CES5A: variants seen among roughly 807,000 people sequenced by gnomAD.
CES5A encodes the protein carboxylesterase 5.
A neutral mutation model predicts 62.9 loss-of-function variants in CES5A; 67 were observed. That is an observed-to-expected ratio of 1.07 (90% CI 0.88 to 1.31). CES5A has a LOEUF of 1.31. CES5A is among the 50% of genes most tolerant of loss of function. The pLI, the probability that CES5A is intolerant of heterozygous loss-of-function variation, is 0.00. For synonymous variants in CES5A, 296 were observed against 280.8 expected (o/e 1.05, Z -0.54); for missense variants, 748 against 708.5 (o/e 1.06, Z -0.63).
At chr16:55,921,646 A>T (rs1277223676) in intron 1 of CES5A, among the ~76,000 whole-genome samples, 1 of 151,472 alleles carries the variant, frequency 6.6e-6, no homozygotes, top group African/African-American at 2.4e-5. Flanking sequence ...GAAAAAAAAA[A>T]AAAAAAACCA....
At position 55,873,960 on chromosome 16, in the gene CES5A, G is replaced by T; in HGVS notation, c.151C>A (p.Pro51Thr). Reference protein sequence around the residue: ...QGKQVTVLGSPVPVNVFLGVP... With the variant: ...QGKQVTVLGSTVPVNVFLGVP... ...CCGAGGAACACGTTCACAGGCACAGGGCTTCCCAGCACAGTGACTTGCTTG... is the reference window on the plus strand; with the variant it reads ...CCGAGGAACACGTTCACAGGCACAGTGCTTCCCAGCACAGTGACTTGCTTG... The change falls in exon 2 of 13, where the codon CCT becomes ACT. Residue 51 changes from proline to threonine, a missense_variant. Pro to Thr is a conservative substitution (Grantham distance 38, BLOSUM62 -1). Transcript: ENST00000290567. 4.3e-6 allele frequency: 7 copies of T among 1,613,390 alleles called. No homozygotes were observed. Among genetic ancestry groups the T allele is most frequent in the Non-Finnish European group, 5.9e-6 (7 of 1,179,872 alleles).
intron 2 of CES5A, among the ~76,000 whole-genome samples, chr16:55,934,929 G>C (rs2034354570): frequency 6.6e-6 from 1 of 151,982 alleles, no homozygotes; most frequent in Non-Finnish European, 1.5e-5. Context: ...TTTTGTTTTG[G>C]GTTTTTTTGT....
chr16:55,888,129 C>T (rs762922386), intron 1 of CES5A, among the ~76,000 whole-genome samples: 3 of 152,080 alleles, frequency 2.0e-5, no homozygotes, highest in Non-Finnish European at 4.4e-5. Context: ...TCCTGCCAGC[C>T]CAACTCCTTT....
chr16:55,932,610 T>C (rs2034326925), intron 2 of CES5A, among the ~76,000 whole-genome samples: 1 of 151,938 alleles, frequency 6.6e-6, no homozygotes, highest in Non-Finnish European at 1.5e-5. Flanking sequence ...GAGTCCTCTC[T>C]GAGAAGGGTG....
intron 1 of CES5A, among the ~76,000 whole-genome samples, chr16:55,887,603 C>T (rs1430277312): frequency 6.6e-6 from 1 of 152,112 alleles, no homozygotes; most frequent in African/African-American, 2.4e-5. Context: ...GTTCTTCTAA[C>T]TCTGCTGCCT....
intron 1 of CES5A, among the ~76,000 whole-genome samples, chr16:55,923,726 A>G (rs2034231996): frequency 6.6e-6 from 1 of 151,880 alleles, no homozygotes; most frequent in Non-Finnish European, 1.5e-5. Context: ...AGAAAACTAC[A>G]GGCCATATCA....
chr16:55,917,268 C>T (rs568822935), intron 1 of CES5A, among the ~76,000 whole-genome samples: 98 of 152,350 alleles, frequency 6.4e-4, no homozygotes, highest in African/African-American at 2.2e-3. Flanking sequence ...TACTAGTTAC[C>T]TATTGCTGCC....
chr16:55,858,863 C>T (rs1359350888), intron 8 of CES5A, among the ~76,000 whole-genome samples: 1 of 152,162 alleles, frequency 6.6e-6, no homozygotes, highest in South Asian at 2.1e-4. Context: ...ACCTGGGCCT[C>T]AGCTCAACAA....
At chr16:55,947,889 G>T (rs546602037) in intron 2 of CES5A, among the ~76,000 whole-genome samples, 28 of 150,754 alleles carry the variant, frequency 1.9e-4, no homozygotes, top group Non-Finnish European at 3.0e-4. Context: ...GCCATGGAAG[G>T]GCTGGGAGTT....
Position 55,868,470 on chromosome 16 carries a change from T to C in CES5A, c.551+1141A>G, listed in dbSNP as rs114598114. Among the ~76,000 whole-genome samples, 364 of 152,318 alleles carry C rather than the reference T, an allele frequency of 2.4e-3. 3 individuals carry two copies. The highest frequency in any genetic ancestry group is 8.3e-3 in the African/African-American group (347 of 41,572). On this transcript the variant is annotated intron_variant, in intron 4 of 12. Coordinates refer to ENST00000290567, the MANE Select transcript of CES5A (RefSeq NM_001143685.2). Reference sequence around the variant, plus strand: ...CTCCTCAAGCCCAACCACATCCTTCTGGTGCAACTCCAATGTCACCCCTCT... The same window carrying C: ...CTCCTCAAGCCCAACCACATCCTTCCGGTGCAACTCCAATGTCACCCCTCT...
At chr16:55,895,338 G>A (rs2033921264) in intron 1 of CES5A, among the ~76,000 whole-genome samples, 1 of 152,220 alleles carries the variant, frequency 6.6e-6, no homozygotes, top group South Asian at 2.1e-4. Context: ...CAACCTATGA[G>A]AGGAGCTGCA....
intron 2 of CES5A, among the ~76,000 whole-genome samples, chr16:55,938,925 G>C (rs1190278198): frequency 6.6e-6 from 1 of 150,506 alleles, no homozygotes; most frequent in Non-Finnish European, 1.5e-5. Context: ...AGGAAGTGGG[G>C]TGGGGGGTTG....
At chr16:55,889,706 G>A (rs115885779) in intron 1 of CES5A, among the ~76,000 whole-genome samples, 227 of 151,048 alleles carry the variant, frequency 1.5e-3, no homozygotes, top group African/African-American at 5.1e-3. Context: ...GATTGATTAC[G>A]TCATTGGCCA....
intron 1 of CES5A, among the ~76,000 whole-genome samples, chr16:55,880,676 A>G (rs557447086): frequency 6.6e-6 from 1 of 152,306 alleles, no homozygotes; most frequent in South Asian, 2.1e-4. Context: ...TGTGGTTCAG[A>G]GGAGTGGGCT....
At chr16:55,851,912 A>G (rs2033141375) in intron 10 of CES5A, among the ~76,000 whole-genome samples, 1 of 152,244 alleles carries the variant, frequency 6.6e-6, no homozygotes, top group Non-Finnish European at 1.5e-5. Flanking sequence ...CTGAGACCTT[A>G]TGCTACGTGA....
At chr16:55,956,014 C>A (rs1333631466) in exon 1 of CES5A, 11 of 993,000 alleles carry the variant, frequency 1.1e-5, no homozygotes, top group Non-Finnish European at 1.5e-5. Context: ...TCACCACTTT[C>A]CTCTACCGTT....
chr16:55,915,005 T>G (rs1010547447), intron 1 of CES5A, among the ~76,000 whole-genome samples: 9 of 149,762 alleles, frequency 6.0e-5, no homozygotes, highest in Non-Finnish European at 7.4e-5. Context: ...AAAAAGTTGT[T>G]TTTTTTTTTT....
intron 5 of CES5A, among the ~76,000 whole-genome samples, chr16:55,864,926 A>G (rs1308707211): frequency 1.4e-5 from 2 of 143,264 alleles, no homozygotes; most frequent in Admixed American, 7.0e-5. Flanking sequence ...TATTGCTGTC[A>G]CCGGACACGG....
chr16:55,902,761 G>T (rs2034004363), intron 1 of CES5A, among the ~76,000 whole-genome samples: 1 of 152,098 alleles, frequency 6.6e-6, no homozygotes, highest in Non-Finnish European at 1.5e-5. Context: ...GACATGGGGG[G>T]CATCATCCGA....
Sources: allele counts gnomAD v4.1 joint callset (sites outside exome capture counted in the v4.1 genomes callset), GRCh38; gene constraint gnomAD v4.1.1; transcripts MANE v1.5; gene names NCBI Gene and HGNC (gene_info 2026-07-23, HGNC 2026-07-21).